Variants in GABRA5 observed in about 807,000 individuals in gnomAD.
GABRA5 encodes the protein gamma-aminobutyric acid receptor subunit alpha-5.
GABRA5 carries 18 observed loss-of-function variants against 47.3 expected under a neutral mutation model. That is an observed-to-expected ratio of 0.38 (90% CI 0.26 to 0.56). GABRA5 has a LOEUF of 0.56. Among genes scored for constraint, GABRA5 ranks in the 20% least tolerant of loss-of-function variants. The probability of loss-of-function intolerance (pLI) is 0.71; values close to 1 mark genes in which losing one functional copy is unlikely to be tolerated. For missense variants in GABRA5, 365 were observed against 599.3 expected (o/e 0.61, Z 4.08); for synonymous variants, 237 against 229.3 (o/e 1.03, Z -0.30).
chr15:26,910,462 T>C (rs1287168881), intron 6 of GABRA5, among the ~76,000 whole-genome samples: 2 of 151,864 alleles, frequency 1.3e-5, no homozygotes, highest in East Asian at 3.9e-4. Flanking sequence ...TAGGTGGGCG[T>C]GATTGCGGAC....
chr15:26,933,699 G>A (rs1174661673), intron 7 of GABRA5, among the ~76,000 whole-genome samples: 1 of 152,140 alleles, frequency 6.6e-6, no homozygotes, highest in African/African-American at 2.4e-5. Flanking sequence ...CTGGGCAGAC[G>A]TGTTATCTGT....
chr15:26,902,602 C>CT (rs1484238304), intron 6 of GABRA5, among the ~76,000 whole-genome samples: 3 of 151,950 alleles, frequency 2.0e-5, no homozygotes, highest in East Asian at 1.9e-4. Context: ...AATTTTGTTT[C>CT]TTTTTTTCTT....
intron 3 of GABRA5, among the ~76,000 whole-genome samples, chr15:26,870,178 A>G (rs1188282765): frequency 1.3e-5 from 2 of 152,234 alleles, no homozygotes; most frequent in African/African-American, 4.8e-5. Flanking sequence ...GCCTATCCAC[A>G]TTTATGTAAA....
At chr15:26,925,848 C>T (rs1893948982) in intron 7 of GABRA5, among the ~76,000 whole-genome samples, 1 of 152,292 alleles carries the variant, frequency 6.6e-6, no homozygotes, top group South Asian at 2.1e-4. Context: ...TTCTGTCTTC[C>T]TTGTGGCAGG....
intron 7 of GABRA5, among the ~76,000 whole-genome samples, chr15:26,930,470 T>C (rs1894074441): frequency 1.3e-5 from 2 of 152,216 alleles, no homozygotes; most frequent in East Asian, 3.9e-4. Context: ...ACGAAAACTA[T>C]GACTATAACA....
chr15:26,923,587 T>C (rs1378886329), intron 7 of GABRA5, among the ~76,000 whole-genome samples: 2 of 152,196 alleles, frequency 1.3e-5, no homozygotes, highest in Non-Finnish European at 2.9e-5. Flanking sequence ...TATTTATAGG[T>C]TTATTGGTCT....
chr15:26,914,664 G>A, intron 6 of GABRA5, 139 bp from the exon 7 acceptor site: 1 of 650,978 alleles, frequency 1.5e-6, no homozygotes, highest in Non-Finnish European at 2.8e-6. Flanking sequence ...TACGTAATTT[G>A]GTGGGGATAG....
rs1019211047 is a variant in GABRA5 at position 26,883,303 on chromosome 15, C to T, written c.277-34C>T. The T allele has an allele frequency of 3.1e-6, 5 of 1,611,598 alleles. No individual in the cohort carries two copies. In the African/African-American group the frequency reaches 5.3e-5, roughly 17 times the overall value. Reference sequence around the variant, plus strand: ...CGCAGGCCCCCGCCCAGGCCCCGTGCCCTCTGACTGCCTCGTGCCTTCCTT... The same window carrying T: ...CGCAGGCCCCCGCCCAGGCCCCGTGTCCTCTGACTGCCTCGTGCCTTCCTT... On this transcript the variant is annotated intron_variant, in intron 5 of 10. Coordinates refer to ENST00000335625, the MANE Select transcript of GABRA5 (RefSeq NM_000810.4). The surrounding 1 kb of genome is among the most constrained non-coding windows in gnomAD (Gnocchi z 4.8).
At chr15:26,874,755 T>C (rs1200593662) in intron 3 of GABRA5, among the ~76,000 whole-genome samples, 1 of 148,700 alleles carries the variant, frequency 6.7e-6, no homozygotes, top group Non-Finnish European at 1.5e-5. Context: ...TTTATTTGTA[T>C]TTATTTAACA....
intron 6 of GABRA5, among the ~76,000 whole-genome samples, chr15:26,909,859 T>G (rs1396928202): frequency 6.6e-6 from 1 of 152,230 alleles, no homozygotes; most frequent in Non-Finnish European, 1.5e-5. Context: ...ATGGACATAT[T>G]TGCAGTGCTG....
intron 3 of GABRA5, among the ~76,000 whole-genome samples, chr15:26,871,431 A>G (rs1237294887): frequency 6.6e-6 from 1 of 152,226 alleles, no homozygotes; most frequent in Non-Finnish European, 1.5e-5. Flanking sequence ...CTGAAAGCTA[A>G]CACTGAGTAA....
At chr15:26,941,274 A>G (rs536335630) in intron 9 of GABRA5, among the ~76,000 whole-genome samples, 74 of 152,132 alleles carry the variant, frequency 4.9e-4, no homozygotes, top group Non-Finnish European at 7.6e-4. Flanking sequence ...GCAGAAAAAA[A>G]GCTGGGAGGG....
Position 26,933,698 on chromosome 15 carries a change from C to T in GABRA5, c.581-3487C>T, listed in dbSNP as rs182369339. Among the ~76,000 whole-genome samples, 218 of 152,230 alleles carry T rather than the reference C, an allele frequency of 1.4e-3. 1 individual carries two copies. Among genetic ancestry groups the T allele is most frequent in the South Asian group, 2.1e-4 (1 of 4,812 alleles). ...GTATCTTCACTGGTACCTGGGCAGA[C>T]GTGTTATCTGTTCATCCCCATTGGC... On this transcript the variant is annotated intron_variant, in intron 7 of 10. Coordinates refer to ENST00000335625, the MANE Select transcript of GABRA5 (RefSeq NM_000810.4).
intron 3 of GABRA5, chr15:26,877,676 G>A (rs767689159): frequency 4.4e-5 from 20 of 455,436 alleles, no homozygotes; most frequent in Admixed American, 3.1e-4. Context: ...CAGAAATGAC[G>A]CCACAACTTG....
At chr15:26,920,180 TTTGTTGTTG>T (rs961511746) in intron 7 of GABRA5, among the ~76,000 whole-genome samples, 5 of 151,854 alleles carry the variant, frequency 3.3e-5, no homozygotes, top group African/African-American at 9.7e-5. Flanking sequence ...TAAATAAGCT[TTTGTTGTTG>T]TTGTTGTTGT....
intron 6 of GABRA5, among the ~76,000 whole-genome samples, chr15:26,894,787 G>T (rs1893138844): frequency 6.6e-6 from 1 of 152,204 alleles, no homozygotes; most frequent in Admixed American, 6.5e-5. Context: ...GAAGTCCCGC[G>T]GATCCATAGG....
chr15:26,920,155 CA>C (rs199702868), intron 7 of GABRA5, among the ~76,000 whole-genome samples: 1,796 of 152,156 alleles, frequency 0.012, 40 homozygotes, highest in African/African-American at 0.041. Context: ...TGGAAATTTT[CA>C]GCCATTATTT....
chr15:26,881,375 G>C (rs975212473), intron 4 of GABRA5, among the ~76,000 whole-genome samples: 4 of 152,132 alleles, frequency 2.6e-5, no homozygotes, highest in Admixed American at 2.6e-4. Flanking sequence ...GTATCTATGC[G>C]AGTCCTTTTC....
chr15:26,895,812 C>CAAAAAACAAAAAA (rs1893173009), intron 6 of GABRA5, among the ~76,000 whole-genome samples: 3 of 123,278 alleles, frequency 2.4e-5, no homozygotes, highest in Admixed American at 2.4e-4. Flanking sequence ...AAGACTCCGT[C>CAAAAAACAAAAAA]AAAAAAAAAA....
Sources: allele counts gnomAD v4.1 joint callset (sites outside exome capture counted in the v4.1 genomes callset), GRCh38; gene constraint gnomAD v4.1.1; non-coding constraint Gnocchi (gnomAD v3.1); transcripts MANE v1.5; gene names NCBI Gene and HGNC (gene_info 2026-07-23, HGNC 2026-07-21).